Variants in ADGRV1 observed in about 807,000 individuals in gnomAD.
ADGRV1 encodes the protein G-protein coupled receptor 98.
In ADGRV1, 359 loss-of-function variants were observed where a neutral mutation model predicts 596.2. The ratio of observed to expected loss-of-function variants is 0.60; its 90% CI spans 0.55 to 0.66. ADGRV1 has a LOEUF of 0.66. ADGRV1 is among the 30% of genes least tolerant of loss of function. The probability of loss-of-function intolerance (pLI) is 0.00; values close to 1 mark genes in which losing one functional copy is unlikely to be tolerated. For missense variants in ADGRV1, 7,274 were observed against 7,575.6 expected, an observed-to-expected ratio of 0.96 and a Z score of 1.48; for synonymous variants, 2,681 against 2,679.2, an observed-to-expected ratio of 1.00 and a Z score of -0.02.
At chr5:90,873,913 C>A (rs1768958887) in intron 83 of ADGRV1, among the ~76,000 whole-genome samples, 1 of 152,042 alleles carries the variant, frequency 6.6e-6, no homozygotes, top group Admixed American at 6.5e-5. Flanking sequence ...TCACCATTAT[C>A]TTGCTCACCT....
intron 86 of ADGRV1, among the ~76,000 whole-genome samples, chr5:91,096,679 A>G (rs907010852): frequency 6.6e-6 from 1 of 152,018 alleles, no homozygotes; most frequent in Admixed American, 6.6e-5. Context: ...GTTACTTGGC[A>G]TAGTCTTTTT....
At chr5:91,060,398 A>ATTTTTTTTTTTT (rs1554210690) in intron 85 of ADGRV1, among the ~76,000 whole-genome samples, 1 of 60,530 alleles carries the variant, frequency 1.7e-5, no homozygotes, top group African/African-American at 4.7e-5. Context: ...ATATATATAT[A>ATTTTTTTTTTTT]TTTTTTTTTT....
In ADGRV1 at chr5:91,150,225, T is replaced by C; in HGVS notation, c.18624+4T>C. 1 of 1,540,670 alleles carries C rather than the reference T, an allele frequency of 6.5e-7. No homozygotes were observed. Among genetic ancestry groups the C allele is most frequent in the Non-Finnish European group, 8.7e-7 (1 of 1,143,486 alleles). On this transcript the variant is annotated splice_donor_region_variant and intron_variant, in intron 88 of 89. Coordinates refer to ENST00000405460, the MANE Select transcript of ADGRV1 (RefSeq NM_032119.4). ...TCTCATCGGTGCTATGGAGGAGGTGTCTGCCCTTGCCCTTTCATTCTCTGT... is the reference window on the plus strand; with the variant it reads ...TCTCATCGGTGCTATGGAGGAGGTGCCTGCCCTTGCCCTTTCATTCTCTGT...
At chr5:90,659,352 A>G (rs544710072) in intron 21 of ADGRV1, among the ~76,000 whole-genome samples, 1 of 152,332 alleles carries the variant, frequency 6.6e-6, no homozygotes, top group South Asian at 2.1e-4. Context: ...TGCGTTATTA[A>G]CCAGTGTGAT....
At chr5:90,583,421 G>T (rs1467774731) in intron 1 of ADGRV1, among the ~76,000 whole-genome samples, 2 of 151,812 alleles carry the variant, frequency 1.3e-5, no homozygotes, top group African/African-American at 4.8e-5. Flanking sequence ...TTTTATTACA[G>T]CCTCAAAACT....
At chr5:91,162,460 G>T (rs1238409468) in intron 89 of ADGRV1, among the ~76,000 whole-genome samples, 1 of 152,106 alleles carries the variant, frequency 6.6e-6, no homozygotes, top group Non-Finnish European at 1.5e-5. Flanking sequence ...TCCGTGTCCT[G>T]AGCTTGGAAA....
chr5:91,056,618 T>C (rs138632010), intron 85 of ADGRV1, among the ~76,000 whole-genome samples: 29 of 152,252 alleles, frequency 1.9e-4, no homozygotes, highest in African/African-American at 6.3e-4. Flanking sequence ...ATGGTCGTCA[T>C]TGGGTTCTTT....
In ADGRV1 at chr5:90,629,452, T is replaced by C; in HGVS notation, c.1752T>C (p.Ile584=). The C allele has an allele frequency of 6.2e-7, 1 of 1,613,642 alleles. No homozygotes were observed. The highest frequency in any genetic ancestry group is 1.1e-5 in the South Asian group (1 of 91,056). Residue 584 remains isoleucine (I), a synonymous_variant, in exon 9 of 90, where the codon ATT becomes ATC. Coordinates refer to ENST00000405460, the MANE Select transcript of ADGRV1 (RefSeq NM_032119.4). ...ATATATCAAGGAGAAATGACCTCAT[T>C]TTTCCAGAGCAAAAAACTCAAGTCA... ...ILNISRRNDL[I]FPEQKTQVTT... is the part of the protein sequence containing the mutation.
At chr5:90,583,776 T>A (rs1294680153) in intron 1 of ADGRV1, among the ~76,000 whole-genome samples, 4 of 152,198 alleles carry the variant, frequency 2.6e-5, no homozygotes, top group Non-Finnish European at 5.9e-5. Context: ...TTTCTATTCA[T>A]TAATGTTGGA....
chr5:90,700,347 A>G (rs1747753123), intron 34 of ADGRV1, among the ~76,000 whole-genome samples: 1 of 152,188 alleles, frequency 6.6e-6, no homozygotes, highest in Non-Finnish European at 1.5e-5. Flanking sequence ...TGGCTCTAGA[A>G]TGCATTTTTG....
At position 90,858,536 on chromosome 5, in the gene ADGRV1, T is replaced by G. The variant is rs1305596048; in HGVS notation, c.17755+2635T>G. On this transcript the variant is annotated intron_variant, in intron 82 of 89. Coordinates refer to ENST00000405460, the MANE Select transcript of ADGRV1 (RefSeq NM_032119.4). ...CAAATTTTTGTATTTTTTATAGAGA[T>G]AGGGTTTTGCCATGCTGCCCAGGCT... 4.6e-5 allele frequency among the ~76,000 whole-genome samples: 7 copies of G among 152,092 alleles called. No individual in the cohort carries two copies. In the East Asian group the frequency reaches 1.4e-3, roughly 29 times the overall value.
intron 14 of ADGRV1, 100 bp from the exon 15 acceptor site, chr5:90,644,606 G>A: frequency 2.3e-6 from 2 of 856,926 alleles, no homozygotes; most frequent in African/African-American, 3.5e-5. Context: ...ATTAAAAAGA[G>A]GTGTTGTTTT....
chr5:91,028,576 G>C (rs1337312495), intron 85 of ADGRV1, among the ~76,000 whole-genome samples: 1 of 151,842 alleles, frequency 6.6e-6, no homozygotes, highest in Non-Finnish European at 1.5e-5. Flanking sequence ...TAATTTACTA[G>C]ATCTATCCTA....
intron 85 of ADGRV1, among the ~76,000 whole-genome samples, chr5:91,028,303 C>T (rs1457597198): frequency 4.6e-5 from 7 of 151,944 alleles, no homozygotes; most frequent in Non-Finnish European, 7.4e-5. Context: ...GACCTGACCC[C>T]GTAGGAGCAA....
rs183360032 is a variant in ADGRV1, at chr5:90,624,358, T to G, written c.559-772T>G. On this transcript the variant is annotated intron_variant, in intron 5 of 89. Coordinates refer to ENST00000405460, the MANE Select transcript of ADGRV1 (RefSeq NM_032119.4). ...AGAAAATAATTGGCTGTAGAAAGGA[T>G]AAATCATCCAGAGTAGAGTGTTTTC... is the stretch of plus-strand genomic sequence containing the variant. Among the ~76,000 whole-genome samples, 43 of 152,330 alleles carry G rather than the reference T, an allele frequency of 2.8e-4. 1 individual carries two copies. The East Asian group carries it at 4.4e-3, about 16-fold the overall frequency.
chr5:90,617,656 A>G lies in ADGRV1; in HGVS notation c.208-148A>G, dbSNP rs1580465621. The G allele has an allele frequency of 8.0e-6, 5 of 624,118 alleles. No homozygotes were observed. In the East Asian group the frequency reaches 1.5e-4, roughly 19 times the overall value. The allele number at this position is 624,118 out of a possible 1,614,324, so 38.7% of individuals were successfully genotyped here. A position where few individuals can be genotyped will look rare whatever the true frequency, so the allele number is the denominator to read the frequency against. On this transcript the variant is annotated intron_variant, in intron 2 of 89. Transcript: ENST00000405460. ...AGATAAGTTTTTTCAGTTGTTAAAT[A>G]TTTATGATTTTTGTTTTTGTACACC...
intron 83 of ADGRV1, among the ~76,000 whole-genome samples, chr5:90,943,534 G>A (rs1170707232): frequency 1.3e-5 from 2 of 152,068 alleles, no homozygotes; most frequent in African/African-American, 4.8e-5. Flanking sequence ...CCTCAGAGAG[G>A]CCTTCCATGA....
At position 90,676,103 on chromosome 5, in the gene ADGRV1, T is replaced by C. The variant is rs755537414; in HGVS notation, c.5337T>C (p.Phe1779=). 1.9e-6 allele frequency: 3 copies of C among 1,602,792 alleles called. No individual in the cohort carries two copies. In the South Asian group the frequency reaches 3.3e-5, roughly 18 times the overall value. The change falls in exon 25 of 90, where the codon TTT becomes TTC. Residue 1779 remains phenylalanine (F), a synonymous_variant. Transcript: ENST00000405460. ...AGAATGTTGCTGGCACATTAGAATT[T>C]CAACCAGGAGAAAGATATAAATACA... ...DYQNVAGTLE[F]QPGERYKYIF... is the part of the protein sequence containing the mutation.
intron 84 of ADGRV1, among the ~76,000 whole-genome samples, chr5:90,978,473 G>A (rs927159719): frequency 4.6e-5 from 7 of 151,848 alleles, no homozygotes; most frequent in African/African-American, 1.2e-4. Context: ...GTTAATGGGC[G>A]CAAAAATATA....
Sources: gnomAD v4.1 joint callset for allele counts (sites outside exome capture counted in the v4.1 genomes callset) on GRCh38, gnomAD v4.1.1 for gene constraint, MANE v1.5 for transcripts, NCBI Gene and HGNC (gene_info 2026-07-23, HGNC 2026-07-21) for gene names.